Variants in NT5DC1 observed in about 807,000 individuals in gnomAD.
NT5DC1 encodes the protein 5'-nucleotidase domain-containing protein 1.
NT5DC1 carries 42 observed loss-of-function variants against 59.4 expected under a neutral mutation model. The observed-to-expected ratio is 0.71, with a 90% CI of 0.55 to 0.92. The LOEUF (loss-of-function observed/expected upper bound fraction) is 0.92, where lower values mean the gene tolerates loss of function less well. NT5DC1 is among the 40% of genes least tolerant of loss of function. The pLI is 0.00. For synonymous variants in NT5DC1, 172 were observed against 188.1 expected (o/e 0.91, Z 0.70); for missense variants, 501 against 537.1 (o/e 0.93, Z 0.66).
chr6:116,185,497 C>G (rs1320036646), intron 6 of NT5DC1, among the ~76,000 whole-genome samples: 1 of 151,950 alleles, frequency 6.6e-6, no homozygotes, highest in Non-Finnish European at 1.5e-5. Context: ...TGCTGTTGAT[C>G]TCATTTTTCT....
chr6:116,138,942 A>T (rs1371355479), intron 6 of NT5DC1, among the ~76,000 whole-genome samples: 2 of 152,258 alleles, frequency 1.3e-5, no homozygotes, highest in East Asian at 3.9e-4. Flanking sequence ...TTATAATTGC[A>T]TTATTAGTTT....
intron 1 of NT5DC1, 36 bp downstream of exon 1, chr6:116,101,059 A>G (rs1582800407): frequency 6.9e-7 from 1 of 1,459,114 alleles, no homozygotes; most frequent in East Asian, 2.5e-5. Flanking sequence ...ACTGCGCGCA[A>G]CCTCCATGGC....
Position 116,100,973 on chromosome 6 carries a change from T to G in NT5DC1, c.43T>G (p.Phe15Val), listed in dbSNP as rs1267665643. The change falls in exon 1 of 12, where the codon TTC becomes GTC. Residue 15 changes from phenylalanine to valine, a missense_variant. Coordinates refer to ENST00000319550, the MANE Select transcript of NT5DC1 (RefSeq NM_152729.3). Reference sequence around the variant, plus strand: ...CCTGGCCGCCTGCGACGTGGTCGGATTCGACCTGGACCACACTCTGTGTCG... The same window carrying G: ...CCTGGCCGCCTGCGACGTGGTCGGAGTCGACCTGGACCACACTCTGTGTCG... ...FSLAACDVVG[F>V]DLDHTLCRYN... 2.5e-6 allele frequency: 4 copies of G among 1,605,130 alleles called. No individual in the cohort carries two copies. The highest frequency in any genetic ancestry group is 1.7e-6 in the Non-Finnish European group (2 of 1,176,982).
chr6:116,186,803 T>A (rs1781010224), intron 6 of NT5DC1, among the ~76,000 whole-genome samples: 13 of 152,084 alleles, frequency 8.5e-5, no homozygotes, highest in Admixed American at 8.5e-4. Flanking sequence ...TTTTTTGATT[T>A]CTTTAAGTTG....
At chr6:116,109,159 A>C (rs118038811) in intron 3 of NT5DC1, among the ~76,000 whole-genome samples, 4 of 152,326 alleles carry the variant, frequency 2.6e-5, no homozygotes, top group Non-Finnish European at 5.9e-5. Flanking sequence ...CTATGAAGCT[A>C]TACCATTTAT....
chr6:116,121,207 C>A lies in NT5DC1; in HGVS notation c.529+3262C>A, dbSNP rs748899727. The A allele has an allele frequency of 1.9e-5, 31 of 1,613,520 alleles. No individual in the cohort carries two copies. Among genetic ancestry groups the A allele is most frequent in the Non-Finnish European group, 2.6e-5 (31 of 1,179,854 alleles). On this transcript the variant is annotated intron_variant, in intron 6 of 11. Transcript: ENST00000319550. ...GTCCTCTTTCTCCCTTCAGGCCTGG[C>A]AAGCCTGGTTTCCCAAAGCCAGGAG...
chr6:116,135,346 G>A (rs1030052544), intron 6 of NT5DC1, among the ~76,000 whole-genome samples: 3 of 152,014 alleles, frequency 2.0e-5, no homozygotes, highest in Non-Finnish European at 4.4e-5. Context: ...AGAGCTGAAA[G>A]AGATACTAAT....
At chr6:116,234,324 CT>C (rs1363564953) in intron 8 of NT5DC1, among the ~76,000 whole-genome samples, 2 of 151,896 alleles carry the variant, frequency 1.3e-5, no homozygotes, top group African/African-American at 4.8e-5. Flanking sequence ...TTGCAGGACA[CT>C]GTTTTTTGGG....
In NT5DC1 at chr6:116,200,002, G is replaced by A. The variant is rs912664897; in HGVS notation, c.530-21052G>A. On this transcript the variant is annotated intron_variant, in intron 6 of 11. Transcript: ENST00000319550. ...ACAAAGAGTACAGTATGGAAAGTGG[G>A]GGGGGAAGAGTAACTTTGCAGTGGG... is the stretch of plus-strand genomic sequence containing the variant. Among the ~76,000 whole-genome samples, 78 of 101,286 alleles carry A rather than the reference G, an allele frequency of 7.7e-4. 1 individual carries two copies. The highest frequency in any genetic ancestry group is 2.3e-3 in the African/African-American group (70 of 30,748). The allele number at this position is 101,286 out of a possible 152,430, so 66.4% of individuals were successfully genotyped here.
intron 8 of NT5DC1, among the ~76,000 whole-genome samples, chr6:116,230,958 T>A (rs1782006374): frequency 6.6e-6 from 1 of 151,912 alleles, no homozygotes; most frequent in Non-Finnish European, 1.5e-5. Flanking sequence ...GTACAAAAAA[T>A]TAGCTGGGCG....
chr6:116,137,330 A>G (rs532655264), intron 6 of NT5DC1: 1 of 163,256 alleles, frequency 6.1e-6, no homozygotes, highest in Non-Finnish European at 1.4e-5. Flanking sequence ...GTGCAGGGTA[A>G]TCCAGAGCTG....
intron 8 of NT5DC1, 31 bp downstream of exon 8, chr6:116,223,162 G>C (rs774581440): frequency 1.7e-6 from 2 of 1,184,310 alleles, no homozygotes; most frequent in Non-Finnish European, 2.5e-6. Flanking sequence ...TTCTTTTCCT[G>C]TATACAGTTG....
chr6:116,125,440 C>G (rs111033551), intron 6 of NT5DC1: 1 of 1,613,660 alleles, frequency 6.2e-7, no homozygotes, highest in Non-Finnish European at 8.5e-7. Flanking sequence ...GTAAAACACT[C>G]CATGAACCAA....
At chr6:116,180,303 T>C (rs1780847311) in intron 6 of NT5DC1, among the ~76,000 whole-genome samples, 2 of 152,128 alleles carry the variant, frequency 1.3e-5, no homozygotes, top group Admixed American at 6.6e-5. Context: ...AATTATCTTA[T>C]TTCTCTTTTA....
In NT5DC1 at chr6:116,108,650, A is replaced by G. The variant is rs1325828755; in HGVS notation, c.257+215A>G. On this transcript the variant is annotated intron_variant, in intron 3 of 11. Coordinates refer to ENST00000319550, the MANE Select transcript of NT5DC1 (RefSeq NM_152729.3). Reference sequence around the variant, plus strand: ...AAAGGTCTAGTTCCTTTAAGTTTACATCATTAGAAATATTTGTAGGACATA... The same window carrying G: ...AAAGGTCTAGTTCCTTTAAGTTTACGTCATTAGAAATATTTGTAGGACATA... Among the ~76,000 whole-genome samples, 3 of 152,368 alleles carry G rather than the reference A, an allele frequency of 2.0e-5. No individual in the cohort carries two copies. In the East Asian group the frequency reaches 5.8e-4, roughly 29 times the overall value.
chr6:116,196,259 G>A (rs1039959063), intron 6 of NT5DC1, among the ~76,000 whole-genome samples: 1 of 151,952 alleles, frequency 6.6e-6, no homozygotes, highest in Non-Finnish European at 1.5e-5. Flanking sequence ...TGATAGATTA[G>A]TTATATTTTC....
At chr6:116,178,088 T>TGTGTGTGTGTGTGTGTGC (rs1491426656) in intron 6 of NT5DC1, among the ~76,000 whole-genome samples, 1 of 99,620 alleles carries the variant, frequency 1.0e-5, no homozygotes, top group African/African-American at 4.7e-5. Context: ...TGTGTGTGTG[T>TGTGTGTGTGTGTGTGTGC]GCGCGCGCGC....
intron 5 of NT5DC1, among the ~76,000 whole-genome samples, chr6:116,117,037 T>G (rs141040136): frequency 6.6e-6 from 1 of 152,340 alleles, no homozygotes; most frequent in African/African-American, 2.4e-5. Flanking sequence ...TCATCTCTTC[T>G]GTTGAGACTT....
At position 116,248,451 on chromosome 6, in the gene NT5DC1, G is replaced by C. The variant is rs533217315; in HGVS notation, c.*4427G>C. 1.3e-5 allele frequency: 2 copies of C among 152,130 alleles called. No homozygotes were observed. The highest frequency in any genetic ancestry group is 2.9e-5 in the Non-Finnish European group (2 of 68,028). The allele number at this position is 152,130 out of a possible 1,614,324, so 9.4% of individuals were successfully genotyped here. ...TCAGTAATTAAAAATATAGGCAAGGGTTTGTTTTGGTTTTTGTTTGTTAAT... is the reference window on the plus strand; with the variant it reads ...TCAGTAATTAAAAATATAGGCAAGGCTTTGTTTTGGTTTTTGTTTGTTAAT... On this transcript the variant is annotated 3_prime_UTR_variant, in exon 12 of 12. Transcript: ENST00000319550.
Sources: gnomAD v4.1 joint callset for allele counts (sites outside exome capture counted in the v4.1 genomes callset) on GRCh38, gnomAD v4.1.1 for gene constraint, MANE v1.5 for transcripts, NCBI Gene and HGNC (gene_info 2026-07-23, HGNC 2026-07-21) for gene names.